ZNF418: variants seen among roughly 807,000 people sequenced by gnomAD.
The protein encoded by ZNF418 is zinc finger protein 418.
ZNF418 carries 32 observed loss-of-function variants against 32.0 expected under a neutral mutation model. That is an observed-to-expected ratio of 1.00 (90% CI 0.75 to 1.34). The LOEUF is 1.34. ZNF418 is among the 40% of genes most tolerant of loss of function. The pLI is 0.00. For synonymous variants in ZNF418, 276 were observed against 270.7 expected (o/e 1.02, Z -0.19); for missense variants, 804 against 812.5 (o/e 0.99, Z 0.13).
chr19:57,932,795 G>C (rs936962136), intron 2 of ZNF418: 3 of 420,104 alleles, frequency 7.1e-6, no homozygotes, highest in African/African-American at 6.1e-5. Flanking sequence ...CACCAACAAA[G>C]TTTTCTCAAA....
intron 4 of ZNF418, among the ~76,000 whole-genome samples, chr19:57,923,682 C>T (rs950329525): frequency 6.6e-6 from 1 of 151,998 alleles, no homozygotes; most frequent in African/African-American, 2.4e-5. Context: ...TCACTCCATT[C>T]TCCTGCCTCA....
chr19:57,929,930 C>T (rs919443200), intron 3 of ZNF418, among the ~76,000 whole-genome samples: 7 of 152,096 alleles, frequency 4.6e-5, no homozygotes, highest in East Asian at 1.9e-4. Flanking sequence ...GTGATCCACC[C>T]GCCTCGGCCT....
At chr19:57,929,418 T>C (rs2072388328) in intron 3 of ZNF418, among the ~76,000 whole-genome samples, 1 of 152,104 alleles carries the variant, frequency 6.6e-6, no homozygotes, top group Admixed American at 6.5e-5. Flanking sequence ...ACCATCACAA[T>C]GATGAAGTAC....
intron 2 of ZNF418, chr19:57,932,516 C>G: frequency 6.5e-7 from 1 of 1,535,394 alleles, no homozygotes; most frequent in Non-Finnish European, 8.7e-7. Flanking sequence ...CCCCACAGAA[C>G]CAGGTGGGGC....
At chr19:57,931,231 C>T (rs900241130) in intron 2 of ZNF418, among the ~76,000 whole-genome samples, 17 of 152,004 alleles carry the variant, frequency 1.1e-4, no homozygotes, top group African/African-American at 3.1e-4. Flanking sequence ...GATGGAGTTT[C>T]GCTCTTGTTG....
At chr19:57,932,722 C>G in intron 2 of ZNF418, 1 of 1,053,106 alleles carries the variant, frequency 9.5e-7, no homozygotes, top group Non-Finnish European at 1.3e-6. Context: ...GGCCCAATGT[C>G]TGTCACAGAT....
Position 57,926,118 on chromosome 19 carries a change from A to C in ZNF418, c.*32T>G. On this transcript the variant is annotated 3_prime_UTR_variant, in exon 4 of 6. Coordinates refer to ENST00000396147, the MANE Select transcript of ZNF418 (RefSeq NM_133460.3). ...ACCCTCTGATCAAGAAGATGCACAG[A>C]GGTTTAGCTAAAGAATTTCCCAAAT... The C allele has an allele frequency of 1.3e-6, 2 of 1,557,228 alleles. No individual in the cohort carries two copies. The highest frequency in any genetic ancestry group is 1.2e-5 in the South Asian group (1 of 84,862).
In ZNF418 at chr19:57,928,040, C is replaced by CCAA; in HGVS notation, c.138_140dup (p.Cys46dup). ...GTGCCTCCTCATCTTCTGATCCACA[C>CCAA]CAACAACCTGAAAGCAAGAAAATGC... is the stretch of plus-strand genomic sequence containing the variant. On this transcript the variant is annotated inframe_insertion, in exon 4 of 6. Coordinates refer to ENST00000396147, the MANE Select transcript of ZNF418 (RefSeq NM_133460.3). 1 of 1,529,348 alleles carries CCAA rather than the reference C, an allele frequency of 6.5e-7. No homozygotes were observed. Among genetic ancestry groups the CCAA allele is most frequent in the Non-Finnish European group, 8.8e-7 (1 of 1,136,584 alleles). 94.7% of individuals were successfully genotyped at this position (1,529,348 alleles called of 1,614,324 possible).
chr19:57,934,977 T>A, intron 1 of ZNF418, 184 bp downstream of exon 1: 1 of 1,415,152 alleles, frequency 7.1e-7, no homozygotes, highest in Non-Finnish European at 9.3e-7. Context: ...CCCGCGCCGG[T>A]CCCTGTGCCT....
rs750795793 is a variant in ZNF418, at chr19:57,926,938, T to TCC, written c.1241_1242dup (p.Asn415GlyfsTer273). ...TCTCCAGTGTGACCTCGCTGATGGT[T>TCC]CCTAAGGTGTCCCTTTCGACTAAAA... On this transcript the variant is annotated frameshift_variant, in exon 4 of 6. Transcript: ENST00000396147. LOFTEE classifies it low-confidence loss of function (END_TRUNC). The TCC allele has an allele frequency of 6.2e-6, 10 of 1,612,872 alleles. No individual in the cohort carries two copies. The highest frequency in any genetic ancestry group is 1.3e-5 in the African/African-American group (1 of 74,538).
Position 57,935,179 on chromosome 19 carries a change from C to G in ZNF418, c.-99G>C. ...CAATTACCTGAGCCGGGAGCCTCAG[C>G]GCGGCCGCCGCCATCCCGAGTACGC... On this transcript the variant is annotated 5_prime_UTR_variant, in exon 1 of 6. Coordinates refer to ENST00000396147, the MANE Select transcript of ZNF418 (RefSeq NM_133460.3). 1 of 1,307,218 alleles carries G rather than the reference C, an allele frequency of 7.6e-7. No homozygotes were observed. Among genetic ancestry groups the G allele is most frequent in the Non-Finnish European group, 9.9e-7 (1 of 1,008,390 alleles). The allele number at this position is 1,307,218 out of a possible 1,614,324, so 81.0% of individuals were successfully genotyped here.
Position 57,927,833 on chromosome 19 carries a change from C to T in ZNF418, c.348G>A (p.Gly116=). ...GGTTTGAACTATCATACAATTTATT[C>T]CCCCATGCCTCACACCTGTGCAGTT... ...KQKLHRCEAW[G]NKLYDSSNRP... Residue 116 remains glycine (G), a synonymous_variant, in exon 4 of 6, where the codon GGG becomes GGA. Transcript: ENST00000396147. The T allele has an allele frequency of 6.2e-7, 1 of 1,613,956 alleles. No individual in the cohort carries two copies. Among genetic ancestry groups the T allele is most frequent in the Admixed American group, 1.7e-5 (1 of 60,006 alleles).
At chr19:57,934,099 T>C (rs2072596492) in intron 1 of ZNF418, 197 bp from the exon 2 acceptor site, 1 of 1,390,606 alleles carries the variant, frequency 7.2e-7, no homozygotes, top group African/African-American at 1.5e-5. Context: ...GGTTTAGGGT[T>C]TCTCCAGTGT....
At chr19:57,934,301 G>A in intron 1 of ZNF418, 1 of 825,824 alleles carries the variant, frequency 1.2e-6, no homozygotes, top group Non-Finnish European at 1.5e-6. Context: ...CGCAACCTCT[G>A]CCTCCCGAGT....
At chr19:57,924,372 A>G (rs1188789981) in intron 4 of ZNF418, among the ~76,000 whole-genome samples, 1 of 152,172 alleles carries the variant, frequency 6.6e-6, no homozygotes, top group Admixed American at 6.5e-5. Flanking sequence ...CCTCCTGCCA[A>G]TGCAGGAATT....
chr19:57,922,578 T>C lies in ZNF418; in HGVS notation c.*677A>G, dbSNP rs1306912864. On this transcript the variant is annotated 3_prime_UTR_variant, in exon 6 of 6. Coordinates refer to ENST00000396147, the MANE Select transcript of ZNF418 (RefSeq NM_133460.3). ...TTGGGCTGGAGGCAAATGCATACAG[T>C]TTACCAAATATGAAAAGGTGAGGTG... is the stretch of plus-strand genomic sequence containing the variant. The C allele has an allele frequency of 1.3e-5, 5 of 398,392 alleles. No individual in the cohort carries two copies. Among genetic ancestry groups the C allele is most frequent in the Admixed American group, 4.4e-5 (1 of 22,704 alleles). The allele number at this position is 398,392 out of a possible 1,614,324, so 24.7% of individuals were successfully genotyped here. A position where few individuals can be genotyped will look rare whatever the true frequency, so the allele number is the denominator to read the frequency against.
chr19:57,930,472 T>TA lies in ZNF418; in HGVS notation c.88dup (p.Tyr30LeufsTer3). 1 of 1,614,106 alleles carries TA rather than the reference T, an allele frequency of 6.2e-7. No individual in the cohort carries two copies. Among genetic ancestry groups the TA allele is most frequent in the South Asian group, 1.1e-5 (1 of 91,084 alleles). ...CCAGTTCTCCAGCATCACGTCATGG[T>TA]AAAGGCATCTCTGAACCTCACTAAG... is the stretch of plus-strand genomic sequence containing the variant. On this transcript the variant is annotated frameshift_variant, in exon 3 of 6. Transcript: ENST00000396147. LOFTEE classifies it high-confidence loss of function.
chr19:57,930,631 A>G (rs1467951610), intron 2 of ZNF418, 77 bp from the exon 3 acceptor site: 2 of 1,584,022 alleles, frequency 1.3e-6, no homozygotes, highest in Non-Finnish European at 8.6e-7. Context: ...CCACACCCCC[A>G]CCCCCTTGCC....
At chr19:57,931,219 G>T (rs945067893) in intron 2 of ZNF418, among the ~76,000 whole-genome samples, 2 of 151,626 alleles carry the variant, frequency 1.3e-5, no homozygotes, top group African/African-American at 4.8e-5. Context: ...TTTTTTTTCT[G>T]AGATGGAGTT....
Sources: gnomAD v4.1 joint callset for allele counts (sites outside exome capture counted in the v4.1 genomes callset) on GRCh38, gnomAD v4.1.1 for gene constraint, MANE v1.5 for transcripts, NCBI Gene and HGNC (gene_info 2026-07-23, HGNC 2026-07-21) for gene names.